The following OPRM1 variants were observed in gnomAD, a reference collection of about 807,000 sequenced individuals.
OPRM1 encodes mu-type opioid receptor.
A neutral mutation model predicts 31.8 loss-of-function variants in OPRM1; 27 were observed. That is an observed-to-expected ratio of 0.85 (90% CI 0.63 to 1.17). The LOEUF is 1.17. Among genes scored for constraint, OPRM1 ranks in the 50% most tolerant of loss-of-function variants. OPRM1 has a pLI of 0.00. For missense variants in OPRM1, 536 were observed against 511.1 expected, an observed-to-expected ratio of 1.05 and a Z score of -0.47; for synonymous variants, 196 against 189.9, an observed-to-expected ratio of 1.03 and a Z score of -0.26.
intron 1 of OPRM1, among the ~76,000 whole-genome samples, chr6:154,080,393 T>A (rs1788819426): frequency 6.6e-6 from 1 of 152,212 alleles, no homozygotes; most frequent in South Asian, 2.1e-4. Flanking sequence ...ACATGTATAA[T>A]CAGCTATAGT....
downstream of OPRM1, among the ~76,000 whole-genome samples, chr6:154,136,402 G>A (rs1798060570): frequency 6.6e-6 from 1 of 152,180 alleles, no homozygotes; most frequent in South Asian, 2.1e-4. Flanking sequence ...GAGAATGTGT[G>A]TATGATATTA....
intron 1 of OPRM1, among the ~76,000 whole-genome samples, chr6:154,068,578 T>TAC (rs1785962921): frequency 1.3e-5 from 2 of 152,226 alleles, no homozygotes; most frequent in African/African-American, 4.8e-5. Context: ...TGTGTATATA[T>TAC]ACCACATTTT....
At chr6:154,186,929 C>T (rs577747832) in intron 3 of OPRM1, among the ~76,000 whole-genome samples, 14 of 152,110 alleles carry the variant, frequency 9.2e-5, no homozygotes, top group Non-Finnish European at 1.5e-4. Flanking sequence ...AGCCACTTCC[C>T]CTCCCACTTT....
rs1797136602 is a variant in OPRM1, at chr6:154,118,771, A to G, written c.*50A>G. 1 of 1,608,152 alleles carries G rather than the reference A, an allele frequency of 6.2e-7. No homozygotes were observed. ...TCACCAAGCTTAGAAGCCACCATGT[A>G]TGTGGAAGCAGGTTGCTTCAAGAAT... On this transcript the variant is annotated 3_prime_UTR_variant, in exon 4 of 4. Transcript: ENST00000330432.
chr6:154,139,971 A>G (rs1366915360), intron 3 of OPRM1, among the ~76,000 whole-genome samples: 1 of 152,212 alleles, frequency 6.6e-6, no homozygotes, highest in Non-Finnish European at 1.5e-5. Flanking sequence ...CACTTGAATC[A>G]GTCTAGGCCA....
intron 3 of OPRM1, among the ~76,000 whole-genome samples, chr6:154,216,630 G>C (rs1778416649): frequency 6.6e-6 from 1 of 152,182 alleles, no homozygotes; most frequent in Admixed American, 6.5e-5. Context: ...AGCACTTTGG[G>C]AGGCCAAGGC....
intron 3 of OPRM1, among the ~76,000 whole-genome samples, chr6:154,092,813 C>T (rs2128489580): frequency 6.6e-6 from 1 of 152,312 alleles, no homozygotes; most frequent in South Asian, 2.1e-4. Flanking sequence ...AACTCACACC[C>T]CCTAGAGAGC....
intron 3 of OPRM1, among the ~76,000 whole-genome samples, chr6:154,244,284 CGGTGTGTGTGTG>C (rs1780839447): frequency 8.3e-6 from 1 of 120,420 alleles, no homozygotes; most frequent in South Asian, 2.7e-4. Flanking sequence ...AATTAAGATT[CGGTGTGTGTGTG>C]GGTGGGTGTG....
chr6:154,190,508 C>G (rs955110644), intron 3 of OPRM1, among the ~76,000 whole-genome samples: 3 of 152,132 alleles, frequency 2.0e-5, no homozygotes, highest in Non-Finnish European at 4.4e-5. Context: ...ACAGAAAACA[C>G]CAAACGTTGG....
chr6:154,223,244 C>G, intron 3 of OPRM1: 1 of 1,610,918 alleles, frequency 6.2e-7, no homozygotes, highest in East Asian at 2.2e-5. Flanking sequence ...CTTTCTCTGC[C>G]TGAAACAAAT....
chr6:154,187,001 T>C (rs1404707469), intron 3 of OPRM1, among the ~76,000 whole-genome samples: 8 of 152,018 alleles, frequency 5.3e-5, no homozygotes, highest in Non-Finnish European at 1.0e-4. Flanking sequence ...CCTGCCCACT[T>C]CTTGCACCTC....
At chr6:154,238,510 C>T (rs1255766156) in intron 3 of OPRM1, among the ~76,000 whole-genome samples, 1 of 152,152 alleles carries the variant, frequency 6.6e-6, no homozygotes, top group African/African-American at 2.4e-5. Context: ...AGGTGATCTG[C>T]CTGTCTTGGC....
chr6:154,230,778 C>T (rs905512880), intron 3 of OPRM1, among the ~76,000 whole-genome samples: 2 of 152,090 alleles, frequency 1.3e-5, no homozygotes, highest in Non-Finnish European at 2.9e-5. Context: ...TCAGAAGACA[C>T]CTTAGAATCT....
intron 3 of OPRM1, among the ~76,000 whole-genome samples, chr6:154,117,805 G>GA (rs1418894441): frequency 1.3e-5 from 2 of 150,282 alleles, no homozygotes; most frequent in Non-Finnish European, 3.0e-5. Flanking sequence ...TTTATTCTTA[G>GA]AAAAAATGTA....
In OPRM1 at chr6:154,091,482, C is replaced by T. The variant is rs1314483371; in HGVS notation, c.1164+10C>T. 6.2e-7 allele frequency: 1 copy of T among 1,603,366 alleles called. No individual in the cohort carries two copies. The highest frequency in any genetic ancestry group is 8.5e-7 in the Non-Finnish European group (1 of 1,177,530). ...TAGAACTAATCATCAGGTACGCAGT[C>T]TCTAGAATTAGGTATATCTACTGGG... On this transcript the variant is annotated intron_variant, in intron 3 of 3. Coordinates refer to ENST00000330432, the MANE Select transcript of OPRM1 (RefSeq NM_000914.5).
intron 1 of OPRM1, among the ~76,000 whole-genome samples, chr6:154,061,558 T>C (rs1328638746): frequency 6.6e-6 from 1 of 152,090 alleles, no homozygotes; most frequent in Non-Finnish European, 1.5e-5. Flanking sequence ...TCTGAGGCAA[T>C]GTATGCAGGA....
At chr6:154,040,506 T>C (rs1218793427) in intron 1 of OPRM1, among the ~76,000 whole-genome samples, 3 of 152,172 alleles carry the variant, frequency 2.0e-5, no homozygotes, top group African/African-American at 7.2e-5. Context: ...ATAACAAACA[T>C]GACAAATGTG....
Position 154,039,708 on chromosome 6 carries a change from G to T in OPRM1, c.164G>T (p.Arg55Ile), listed in dbSNP as rs749244205. 1 of 1,613,224 alleles carries T rather than the reference G, an allele frequency of 6.2e-7. No individual in the cohort carries two copies. Among genetic ancestry groups the T allele is most frequent in the South Asian group, 1.1e-5 (1 of 91,084 alleles). ...CGPNRTDLGGRDSLCPPTGSP... is the reference protein window; with the variant it reads ...CGPNRTDLGGIDSLCPPTGSP... ...CCGAACCGCACCGACCTGGGCGGGAGAGACAGCCTGTGCCCTCCGACCGGC... is the reference window on the plus strand; with the variant it reads ...CCGAACCGCACCGACCTGGGCGGGATAGACAGCCTGTGCCCTCCGACCGGC... The change falls in exon 1 of 4, where the codon AGA (arginine) becomes ATA (isoleucine). Residue 55 changes from arginine to isoleucine, a missense_variant. Physicochemically the swap from Arg to Ile is moderately conservative, Grantham distance 97 (BLOSUM62 -3). Coordinates refer to ENST00000330432, the MANE Select transcript of OPRM1 (RefSeq NM_000914.5).
At chr6:154,157,894 A>C (rs1285114900) in intron 3 of OPRM1, 6 of 151,982 alleles carry the variant, frequency 3.9e-5, no homozygotes, top group Non-Finnish European at 8.8e-5. Flanking sequence ...TCAGGGTGCA[A>C]TCTGAGGATC....
Sources: gnomAD v4.1 joint callset for allele counts (sites outside exome capture counted in the v4.1 genomes callset) on GRCh38, gnomAD v4.1.1 for gene constraint, MANE v1.5 for transcripts, NCBI Gene and HGNC (gene_info 2026-07-23, HGNC 2026-07-21) for gene names.